The following NIF3L1 variants were observed in gnomAD, a reference collection of about 807,000 sequenced individuals.
The protein encoded by NIF3L1 is NGG1 interacting factor 3 like 1.
Under a neutral mutation model 35.0 loss-of-function variants are expected in NIF3L1, and 26 were observed. That is an observed-to-expected ratio of 0.74 (90% confidence interval 0.54 to 1.03). The LOEUF (loss-of-function observed/expected upper bound fraction) is 1.03. Ranked by LOEUF, NIF3L1 falls within the 50% of genes least tolerant of loss-of-function variation. NIF3L1 has a pLI of 0.00. For missense variants in NIF3L1, 449 were observed against 466.3 expected (o/e 0.96, Z 0.34); for synonymous variants, 157 against 178.9 (o/e 0.88, Z 0.98).
rs1417665731 is a variant in NIF3L1 at position 200,892,266 on chromosome 2, G to A, written c.323G>A (p.Trp108Ter). 8 of 1,614,130 alleles carry A rather than the reference G, an allele frequency of 5.0e-6. No individual in the cohort carries two copies. The highest frequency in any genetic ancestry group is 6.8e-6 in the Non-Finnish European group (8 of 1,180,020). The change falls in exon 2 of 7, where the codon TGG becomes TAG. Residue 108 changes from tryptophan to a stop codon, truncating the protein, a stop_gained. Transcript: ENST00000409020. LOFTEE classifies it high-confidence loss of function. ...RPMKRITWNT[W>*]KERLVIRALE... The stretch of plus-strand genomic sequence containing the variant: ...ATGAAGCGCATAACCTGGAACACAT[G>A]GAAGGAGCGCCTGGTGATCCGGGCT...
chr2:200,896,996 A>C lies in NIF3L1; in HGVS notation c.727-80A>C. On this transcript the variant is annotated intron_variant, in intron 4 of 6. Transcript: ENST00000409020. Reference sequence around the variant, plus strand: ...CTGGAGCTTGCTATAGTAATCTCACAGTGTGCATGTTGATGATTTTAGCAT... The same window carrying C: ...CTGGAGCTTGCTATAGTAATCTCACCGTGTGCATGTTGATGATTTTAGCAT... 3.0e-6 allele frequency: 4 copies of C among 1,351,000 alleles called. No individual in the cohort carries two copies. The South Asian group carries it at 5.2e-5, about 17-fold the overall frequency. 83.7% of individuals were successfully genotyped at this position (1,351,000 alleles called of 1,614,324 possible).
intron 6 of NIF3L1, among the ~76,000 whole-genome samples, chr2:200,902,564 T>C (rs1296297433): frequency 2.1e-5 from 3 of 143,284 alleles, no homozygotes; most frequent in Non-Finnish European, 4.5e-5. Context: ...CAAAACTCCA[T>C]CTAAAAAAAA....
rs149316756 is a variant in NIF3L1 at position 200,889,923 on chromosome 2, A to G, written c.-27+271A>G. Among the ~76,000 whole-genome samples, 968 of 152,232 alleles carry G rather than the reference A, an allele frequency of 6.4e-3. 4 individuals are homozygous for G. The highest frequency in any genetic ancestry group is 8.6e-3 in the Admixed American group (131 of 15,296). On this transcript the variant is annotated intron_variant, in intron 1 of 6. Transcript: ENST00000409020. Reference sequence around the variant, plus strand: ...ATGTTGCCTTCTGTTGTCGTTGTTGACTGTGGCCATGTAGCTTCGCAGTTT... The same window carrying G: ...ATGTTGCCTTCTGTTGTCGTTGTTGGCTGTGGCCATGTAGCTTCGCAGTTT...
intron 6 of NIF3L1, among the ~76,000 whole-genome samples, chr2:200,901,736 C>T (rs995669121): frequency 6.6e-6 from 1 of 152,176 alleles, no homozygotes; most frequent in Non-Finnish European, 1.5e-5. Flanking sequence ...TTTTCATTCT[C>T]CATTTGCTTA....
At position 200,897,143 on chromosome 2, in the gene NIF3L1, T is replaced by A; in HGVS notation, c.794T>A (p.Met265Lys). ...GATGAATCTGTCTCCCTGGCAACCA[T>A]GATTGATCGAATAAAAAGACACCTA... Reference protein sequence around the residue: ...TLDESVSLATMIDRIKRHLKL... With the variant: ...TLDESVSLATKIDRIKRHLKL... Residue 265 changes from methionine to lysine, a missense_variant, in exon 5 of 7, where the codon ATG becomes AAG. Physicochemically the swap from Met to Lys is moderately conservative, Grantham distance 95. Transcript: ENST00000409020. 1 of 1,614,030 alleles carries A rather than the reference T, an allele frequency of 6.2e-7. No homozygotes were observed.
rs1301059969 is a variant in NIF3L1 at position 200,892,891 on chromosome 2, G to C, written c.437-355G>C. ...ATCTGGATTAATGTGGTCAAATAAA[G>C]TATGAGCATTTGCAACCTGAATGAT... is the stretch of plus-strand genomic sequence containing the variant. On this transcript the variant is annotated intron_variant, in intron 2 of 6. Transcript: ENST00000409020. Among the ~76,000 whole-genome samples, 3 of 152,194 alleles carry C rather than the reference G, an allele frequency of 2.0e-5. No individual in the cohort carries two copies. The East Asian group carries it at 5.8e-4, about 29-fold the overall frequency.
chr2:200,900,282 G>T (rs556897874), intron 6 of NIF3L1, among the ~76,000 whole-genome samples: 1 of 152,232 alleles, frequency 6.6e-6, no homozygotes, highest in African/African-American at 2.4e-5. Context: ...TTTATTGAAA[G>T]AATTACTTTA....
rs749006103 is a variant in NIF3L1, at chr2:200,892,007, A to G, written c.64A>G (p.Asn22Asp). The G allele has an allele frequency of 3.1e-6, 5 of 1,614,126 alleles. No homozygotes were observed. Among genetic ancestry groups the G allele is most frequent in the Non-Finnish European group, 4.2e-6 (5 of 1,180,006 alleles). ...TVRFVDSLIC[N>D]SSRSFMDLKA... Reference sequence around the variant, plus strand: ...CCGGTTTGTAGATTCCCTGATCTGCAATTCTTCCCGTTCCTTCATGGATTT... The same window carrying G: ...CCGGTTTGTAGATTCCCTGATCTGCGATTCTTCCCGTTCCTTCATGGATTT... Residue 22 changes from asparagine (N) to aspartate (D), a missense_variant, in exon 2 of 7, where the codon AAT becomes GAT. By Grantham distance (23) the Asn-to-Asp change is conservative. Coordinates refer to ENST00000409020, the MANE Select transcript of NIF3L1 (RefSeq NM_001369441.2).
chr2:200,894,809 C>T (rs990505360), intron 3 of NIF3L1, among the ~76,000 whole-genome samples: 5 of 151,304 alleles, frequency 3.3e-5, no homozygotes, highest in African/African-American at 1.2e-4. Context: ...CTCCTGGGCT[C>T]AAGTGACCCG....
Position 200,895,457 on chromosome 2 carries a change from G to A in NIF3L1, c.726+67G>A, listed in dbSNP as rs1198068971. 9 of 1,520,864 alleles carry A rather than the reference G, an allele frequency of 5.9e-6. No homozygotes were observed. The East Asian group carries it at 6.8e-5, about 11-fold the overall frequency. 94.2% of individuals were successfully genotyped at this position (1,520,864 alleles called of 1,614,324 possible). A position where few individuals can be genotyped will look rare whatever the true frequency, so the allele number is the denominator to read the frequency against. On this transcript the variant is annotated intron_variant, in intron 4 of 6. Transcript: ENST00000409020. ...CACATTTTCTAACAGTATAATTGAG[G>A]TATAATTGATATACTTAGGTATATT...
chr2:200,890,318 C>T (rs748878322), intron 1 of NIF3L1, among the ~76,000 whole-genome samples: 2 of 152,050 alleles, frequency 1.3e-5, no homozygotes, highest in Admixed American at 6.6e-5. Flanking sequence ...GAGATCACGC[C>T]ACTGCACTCC....
chr2:200,889,702 T>A (rs1199783076), intron 1 of NIF3L1, 50 bp downstream of exon 1: 6 of 153,202 alleles, frequency 3.9e-5, no homozygotes, highest in Admixed American at 3.3e-4. Context: ...CTACTGATGC[T>A]GCTTAATAGT....
At chr2:200,894,758 ATAAG>A (rs888147375) in intron 3 of NIF3L1, among the ~76,000 whole-genome samples, 1 of 149,908 alleles carries the variant, frequency 6.7e-6, no homozygotes, top group African/African-American at 2.5e-5. Flanking sequence ...TAAAAAAATA[ATAAG>A]ATAGGGTCCT....
chr2:200,897,981 C>T (rs1251456279), intron 5 of NIF3L1, among the ~76,000 whole-genome samples: 1 of 152,168 alleles, frequency 6.6e-6, no homozygotes, highest in Non-Finnish European at 1.5e-5. Context: ...CAAGTTTATG[C>T]CCTCTGTGTC....
intron 4 of NIF3L1, among the ~76,000 whole-genome samples, chr2:200,896,575 TA>T (rs2040318538): frequency 6.6e-6 from 1 of 152,166 alleles, no homozygotes; most frequent in African/African-American, 2.4e-5. Context: ...ACCTTGTATT[TA>T]AACAGTTTTA....
chr2:200,902,187 C>T (rs911494702), intron 6 of NIF3L1, among the ~76,000 whole-genome samples: 1 of 152,098 alleles, frequency 6.6e-6, no homozygotes, highest in Non-Finnish European at 1.5e-5. Context: ...CAAAATTGTA[C>T]TTTTTAAAGA....
intron 3 of NIF3L1, among the ~76,000 whole-genome samples, chr2:200,893,911 A>G (rs1256702174): frequency 6.6e-6 from 1 of 152,188 alleles, no homozygotes; most frequent in Non-Finnish European, 1.5e-5. Context: ...ACGGTGGCTC[A>G]CACCTGTAAT....
In NIF3L1 at chr2:200,891,966, C is replaced by T; in HGVS notation, c.23C>T (p.Pro8Leu). The T allele has an allele frequency of 1.2e-6, 2 of 1,612,486 alleles. No individual in the cohort carries two copies. The highest frequency in any genetic ancestry group is 1.7e-6 in the Non-Finnish European group (2 of 1,179,006). Residue 8 changes from proline to leucine, a missense_variant, in exon 2 of 7, where the codon CCA (proline) becomes CTA (leucine). By Grantham distance (98) the Pro-to-Leu change is moderately conservative (BLOSUM62 -3). Transcript: ENST00000409020. MLSSCVR[P>L]VPTTVRFVDS... is the part of the protein sequence containing the mutation. Reference sequence around the variant, plus strand: ...TGTATGTTGTCATCTTGCGTACGCCCAGTCCCCACGACAGTCCGGTTTGTA... The same window carrying T: ...TGTATGTTGTCATCTTGCGTACGCCTAGTCCCCACGACAGTCCGGTTTGTA...
rs1327327351 is a variant in NIF3L1 at position 200,892,049 on chromosome 2, TC to T, written c.108del (p.Leu37Ter). The T allele has an allele frequency of 1.9e-6, 3 of 1,614,092 alleles. No individual in the cohort carries two copies. The African/African-American group carries it at 4.0e-5, about 22-fold the overall frequency. ...CATGGATTTGAAGGCTCTCCTTTCT[TC>T]CTTGAATGACTTTGCATCCCTCTCG... ...SFMDLKALLS[S>X]LNDFASLSFA... On this transcript the variant is annotated frameshift_variant, in exon 2 of 7. Transcript: ENST00000409020. LOFTEE classifies it high-confidence loss of function.
Sources: allele counts gnomAD v4.1 joint callset (sites outside exome capture counted in the v4.1 genomes callset), GRCh38; gene constraint gnomAD v4.1.1; transcripts MANE v1.5; gene names NCBI Gene and HGNC (gene_info 2026-07-23, HGNC 2026-07-21).